ASH1L: variants seen among roughly 807,000 people sequenced by gnomAD.
ASH1L encodes histone-lysine N-methyltransferase ASH1L.
Under a neutral mutation model 269.0 loss-of-function variants are expected in ASH1L, and 23 were observed. The ratio of observed to expected loss-of-function variants is 0.09; its 90% confidence interval spans 0.06 to 0.12. ASH1L has a LOEUF of 0.12. ASH1L is among the 10% of genes least tolerant of loss of function. ASH1L has a pLI of 1.00. For missense variants in ASH1L, 2,912 were observed against 3,567.8 expected (o/e 0.82, Z 4.68); for synonymous variants, 1,187 against 1,253.5 (o/e 0.95, Z 1.12).
At chr1:155,403,039 G>T (rs1464502962) in intron 6 of ASH1L, among the ~76,000 whole-genome samples, 1 of 151,670 alleles carries the variant, frequency 6.6e-6, no homozygotes, top group African/African-American at 2.4e-5. Context: ...ACACAAATTA[G>T]CCAGGTGTGG....
In ASH1L at chr1:155,481,011, T is replaced by C. The variant is rs752916707; in HGVS notation, c.1859A>G (p.His620Arg). Residue 620 changes from histidine (H) to arginine (R), a missense_variant, in exon 3 of 28, where the codon CAT (histidine) becomes CGT (arginine). Physicochemically the swap from His to Arg is conservative, Grantham distance 29. Coordinates refer to ENST00000392403, the MANE Select transcript of ASH1L (RefSeq NM_018489.3). ...HLNVGHRSVG[H>R]SISIECKGID... The stretch of plus-strand genomic sequence containing the variant: ...CCCTTTACATTCAATACTTATACTA[T>C]GACCAACTGACCTATGACCAACGTT... 1.2e-6 allele frequency: 2 copies of C among 1,614,056 alleles called. No individual in the cohort carries two copies. The highest frequency in any genetic ancestry group is 1.7e-6 in the Non-Finnish European group (2 of 1,179,976).
intron 12 of ASH1L, among the ~76,000 whole-genome samples, chr1:155,366,619 G>A (rs934342485): frequency 2.1e-4 from 32 of 152,156 alleles, no homozygotes; most frequent in African/African-American, 7.5e-4. Flanking sequence ...ACTTTCATAA[G>A]ATTTATTCTT....
intron 5 of ASH1L, 36 bp from the exon 6 acceptor site, chr1:155,415,959 A>T (rs1660172440): frequency 6.9e-7 from 1 of 1,449,362 alleles, no homozygotes; most frequent in Non-Finnish European, 9.1e-7. Flanking sequence ...TTTATTATGA[A>T]AAAAAAGTTT....
In ASH1L at chr1:155,395,450, G is replaced by C. The variant is rs772589123; in HGVS notation, c.6103+9C>G. ...TCTCAGCAATACATTGTGTGGACTC[G>C]GTACTTACCAACATGAATGGGCGCT... On this transcript the variant is annotated intron_variant, in intron 7 of 27. Coordinates refer to ENST00000392403, the MANE Select transcript of ASH1L (RefSeq NM_018489.3). 1.3e-6 allele frequency: 2 copies of C among 1,585,924 alleles called. No homozygotes were observed. The highest frequency in any genetic ancestry group is 1.8e-5 in the Admixed American group (1 of 56,790).
chr1:155,458,419 A>T (rs1571264185), intron 4 of ASH1L, among the ~76,000 whole-genome samples: 1 of 152,312 alleles, frequency 6.6e-6, no homozygotes, highest in African/African-American at 2.4e-5. Context: ...GCCTCATATT[A>T]AAAAACCATC....
chr1:155,464,637 G>A (rs1173205225), intron 3 of ASH1L, among the ~76,000 whole-genome samples: 1 of 152,068 alleles, frequency 6.6e-6, no homozygotes. Flanking sequence ...CAGACTACTA[G>A]TAAAGAGGAA....
intron 10 of ASH1L, among the ~76,000 whole-genome samples, chr1:155,371,407 G>C (rs1655931035): frequency 6.6e-6 from 1 of 152,160 alleles, no homozygotes; most frequent in Non-Finnish European, 1.5e-5. Context: ...AATTAGCTGG[G>C]TGTGGTGGTG....
At chr1:155,381,556 A>G in intron 7 of ASH1L, among the ~76,000 whole-genome samples, 1 of 151,158 alleles carries the variant, frequency 6.6e-6, no homozygotes, top group Non-Finnish European at 1.5e-5. Context: ...TCTCAAAAAA[A>G]AACAAAAATC....
At chr1:155,431,381 C>T (rs2148595087) in intron 5 of ASH1L, among the ~76,000 whole-genome samples, 1 of 152,148 alleles carries the variant, frequency 6.6e-6, no homozygotes, top group African/African-American at 2.4e-5. Flanking sequence ...CCTCAACCTC[C>T]TGAGTGCAAG....
intron 5 of ASH1L, among the ~76,000 whole-genome samples, chr1:155,427,017 T>C (rs1661212064): frequency 6.6e-6 from 1 of 152,196 alleles, no homozygotes; most frequent in Non-Finnish European, 1.5e-5. Flanking sequence ...TAGGTCTGTT[T>C]CTTTTATCTA....
At chr1:155,463,787 T>C (rs1338635044) in intron 3 of ASH1L, among the ~76,000 whole-genome samples, 2 of 152,016 alleles carry the variant, frequency 1.3e-5, no homozygotes, top group African/African-American at 4.8e-5. Context: ...AGTGAGACCC[T>C]TGCCTTAATA....
chr1:155,392,608 C>T (rs752137351), intron 7 of ASH1L, among the ~76,000 whole-genome samples: 5 of 152,070 alleles, frequency 3.3e-5, no homozygotes, highest in Non-Finnish European at 4.4e-5. Context: ...CGTGCCTCAG[C>T]CTCTTGAGGA....
chr1:155,464,225 C>T (rs1338095101), intron 3 of ASH1L, among the ~76,000 whole-genome samples: 4 of 152,122 alleles, frequency 2.6e-5, no homozygotes, highest in African/African-American at 9.7e-5. Flanking sequence ...CCACAAAGGA[C>T]AAGAGGTTTA....
intron 7 of ASH1L, among the ~76,000 whole-genome samples, chr1:155,386,092 A>C (rs1455492649): frequency 1.4e-5 from 2 of 145,832 alleles, no homozygotes; most frequent in Admixed American, 1.4e-4. Flanking sequence ...TTGGAGATGG[A>C]GTCTCACTCT....
intron 2 of ASH1L, among the ~76,000 whole-genome samples, chr1:155,501,533 G>A (rs1667501181): frequency 6.6e-6 from 1 of 152,016 alleles, no homozygotes; most frequent in Non-Finnish European, 1.5e-5. Flanking sequence ...ACCATTCCTG[G>A]CTAATTTTTA....
At chr1:155,537,428 T>C (rs553236593) in intron 1 of ASH1L, among the ~76,000 whole-genome samples, 12 of 152,330 alleles carry the variant, frequency 7.9e-5, no homozygotes, top group African/African-American at 2.9e-4. Flanking sequence ...ATTCTGACAA[T>C]AATCTTATTA....
intron 5 of ASH1L, chr1:155,433,086 G>A: frequency 7.9e-7 from 1 of 1,267,782 alleles, no homozygotes; most frequent in Non-Finnish European, 1.1e-6. Flanking sequence ...TAATTAAACT[G>A]CTATGACAGA....
intron 27 of ASH1L, 113 bp downstream of exon 27, chr1:155,337,976 T>A: frequency 8.3e-7 from 1 of 1,198,304 alleles, no homozygotes; most frequent in African/African-American, 1.5e-5. Flanking sequence ...ATAAAAGAAC[T>A]ATACCATTTT....
At chr1:155,358,741 T>C (rs1006064420) in intron 13 of ASH1L, 1 of 151,920 alleles carries the variant, frequency 6.6e-6, no homozygotes, top group Non-Finnish European at 1.5e-5. Context: ...GTAATCTGTT[T>C]GTCATCCTTG....
Sources: allele counts gnomAD v4.1 joint callset (sites outside exome capture counted in the v4.1 genomes callset), GRCh38; gene constraint gnomAD v4.1.1; transcripts MANE v1.5; gene names NCBI Gene and HGNC (gene_info 2026-07-23, HGNC 2026-07-21).